Variants in SLC39A12 observed in about 807,000 individuals in gnomAD.
The protein encoded by SLC39A12 is solute carrier family 39 member 12.
In SLC39A12, 63 loss-of-function variants were observed where a neutral mutation model predicts 71.1. The ratio of observed to expected loss-of-function variants is 0.89; its 90% CI spans 0.72 to 1.09. The LOEUF (loss-of-function observed/expected upper bound fraction) is 1.09. Ranked by LOEUF, SLC39A12 falls within the 50% of genes least tolerant of loss-of-function variation. The pLI is 0.00. For missense variants in SLC39A12, 892 were observed against 812.6 expected, an observed-to-expected ratio of 1.10 and a Z score of -1.19; for synonymous variants, 351 against 301.3, an observed-to-expected ratio of 1.16 and a Z score of -1.71.
At chr10:17,975,497 A>C (rs1034153236) in intron 4 of SLC39A12, among the ~76,000 whole-genome samples, 4 of 152,032 alleles carry the variant, frequency 2.6e-5, no homozygotes, top group Non-Finnish European at 4.4e-5. Flanking sequence ...GGACCTTGCA[A>C]CTCTAACCAC....
chr10:18,012,411 T>C (rs1836252547), intron 12 of SLC39A12, among the ~76,000 whole-genome samples: 1 of 152,178 alleles, frequency 6.6e-6, no homozygotes, highest in Non-Finnish European at 1.5e-5. Flanking sequence ...TTTTTAAGAC[T>C]CTGTGGCTGA....
At chr10:18,033,394 G>A (rs1014706617) in intron 12 of SLC39A12, among the ~76,000 whole-genome samples, 25 of 148,328 alleles carry the variant, frequency 1.7e-4, no homozygotes, top group African/African-American at 3.8e-4. Flanking sequence ...TGTATGTGTC[G>A]AGGAATTTAT....
chr10:17,983,706 C>T (rs527284644), intron 6 of SLC39A12, among the ~76,000 whole-genome samples: 45 of 151,948 alleles, frequency 3.0e-4, no homozygotes, highest in African/African-American at 9.4e-4. Context: ...CATTTGAACC[C>T]GGGAGGTGGA....
At chr10:18,035,957 C>T (rs1327242760) in intron 12 of SLC39A12, among the ~76,000 whole-genome samples, 1 of 152,146 alleles carries the variant, frequency 6.6e-6, no homozygotes, top group African/African-American at 2.4e-5. Context: ...AGTTAGGCTG[C>T]TCGGGGGTCA....
intron 4 of SLC39A12, among the ~76,000 whole-genome samples, chr10:17,970,502 T>A (rs1834939868): frequency 6.6e-6 from 1 of 152,160 alleles, no homozygotes; most frequent in South Asian, 2.1e-4. Context: ...AATCTTTCAT[T>A]TCTTTGGTTA....
At chr10:18,026,782 C>T (rs2884272) in intron 12 of SLC39A12, among the ~76,000 whole-genome samples, 18,956 of 152,080 alleles carry the variant, frequency 0.12, 2,134 homozygotes, top group African/African-American at 0.29. Context: ...AAGATTCTCT[C>T]TTTAGCCATG....
At chr10:18,040,154 A>T (rs1005381948) in intron 12 of SLC39A12, among the ~76,000 whole-genome samples, 1 of 152,232 alleles carries the variant, frequency 6.6e-6, no homozygotes, top group Non-Finnish European at 1.5e-5. Flanking sequence ...CAAAATTGAA[A>T]ATATAGACTG....
intron 12 of SLC39A12, among the ~76,000 whole-genome samples, chr10:18,027,700 C>G (rs1836717295): frequency 6.6e-6 from 1 of 152,210 alleles, no homozygotes; most frequent in African/African-American, 2.4e-5. Context: ...TACCTGCTGT[C>G]TCTCCAATGT....
At chr10:17,988,244 G>T (rs1386269335) in intron 7 of SLC39A12, among the ~76,000 whole-genome samples, 3 of 152,162 alleles carry the variant, frequency 2.0e-5, no homozygotes, top group East Asian at 1.9e-4. Context: ...AGAGGCGAAG[G>T]TTGCAGTGAG....
rs1306661655 is a variant in SLC39A12, at chr10:17,951,979, A to G, written c.-133A>G. On this transcript the variant is annotated 5_prime_UTR_variant, in exon 1 of 13. Coordinates refer to ENST00000377369, the MANE Select transcript of SLC39A12 (RefSeq NM_001145195.2). ...CTGTGAAATACTCTCCAGGATTTAA[A>G]AGGCTGTGGAGCTCCAGATAAAGAA... 6.6e-6 allele frequency: 1 copy of G among 152,222 alleles called. No homozygotes were observed. The highest frequency in any genetic ancestry group is 1.9e-4 in the East Asian group (1 of 5,206). 9.4% of individuals were successfully genotyped at this position (152,222 alleles called of 1,614,324 possible). A position where few individuals can be genotyped will look rare whatever the true frequency, so the allele number is the denominator to read the frequency against.
intron 12 of SLC39A12, among the ~76,000 whole-genome samples, chr10:18,004,618 C>T (rs1433657788): frequency 2.0e-5 from 3 of 152,184 alleles, no homozygotes; most frequent in Non-Finnish European, 4.4e-5. Context: ...ATGAGGTAAA[C>T]ACCAAATGTC....
rs572533910 is a variant in SLC39A12 at position 17,986,969 on chromosome 10, C to T, written c.1097-510C>T. On this transcript the variant is annotated intron_variant, in intron 6 of 12. Coordinates refer to ENST00000377369, the MANE Select transcript of SLC39A12 (RefSeq NM_001145195.2). ...ATAGTGAGCTATAATCACACCACTC[C>T]ACCCCAGCTTGAGCAGCAGAGTGAG... Among the ~76,000 whole-genome samples, 12 of 152,256 alleles carry T rather than the reference C, an allele frequency of 7.9e-5. No individual in the cohort carries two copies. The South Asian group carries it at 2.1e-3, about 26-fold the overall frequency.
Position 17,953,475 on chromosome 10 carries a change from A to T in SLC39A12, c.199A>T (p.Thr67Ser). 1 of 1,614,216 alleles carries T rather than the reference A, an allele frequency of 6.2e-7. No individual in the cohort carries two copies. The change falls in exon 2 of 13, where the codon ACA (threonine) becomes TCA (serine). Residue 67 changes from threonine (T) to serine (S), a missense_variant. Transcript: ENST00000377369. ...PHNHSRSLIK[T>S]LLEKTGCPRR... Reference sequence around the variant, plus strand: ...CAACCACTCAAGAAGCCTCATCAAAACATTGTTGGAGAAAACTGGGTGCCC... The same window carrying T: ...CAACCACTCAAGAAGCCTCATCAAATCATTGTTGGAGAAAACTGGGTGCCC...
At chr10:17,990,735 T>G (rs937779893) in intron 7 of SLC39A12, among the ~76,000 whole-genome samples, 3 of 152,170 alleles carry the variant, frequency 2.0e-5, no homozygotes, top group African/African-American at 7.2e-5. Context: ...GGCATGAGAA[T>G]AAACCCCAGA....
intron 12 of SLC39A12, among the ~76,000 whole-genome samples, chr10:18,020,400 G>A (rs1315515413): frequency 6.6e-6 from 1 of 152,004 alleles, no homozygotes; most frequent in Non-Finnish European, 1.5e-5. Flanking sequence ...CTATGTCTTT[G>A]ATACTGTGTA....
intron 12 of SLC39A12, among the ~76,000 whole-genome samples, chr10:18,006,865 A>G (rs1478996619): frequency 6.6e-6 from 1 of 152,232 alleles, no homozygotes; most frequent in South Asian, 2.1e-4. Context: ...AGAGGAATGC[A>G]GTGTGAACCA....
intron 12 of SLC39A12, among the ~76,000 whole-genome samples, chr10:18,016,300 G>T (rs1208984054): frequency 3.9e-5 from 6 of 152,174 alleles, no homozygotes; most frequent in Non-Finnish European, 8.8e-5. Flanking sequence ...GATACAGTGT[G>T]CTGCCTTTTC....
chr10:18,005,208 C>T (rs1193132439), intron 12 of SLC39A12, among the ~76,000 whole-genome samples: 2 of 151,944 alleles, frequency 1.3e-5, no homozygotes, highest in South Asian at 2.1e-4. Flanking sequence ...TGCATATGTA[C>T]CCCGGAACTT....
chr10:18,041,693 A>ATG (rs1221019288), intron 12 of SLC39A12, among the ~76,000 whole-genome samples: 4 of 110,968 alleles, frequency 3.6e-5, no homozygotes, highest in Non-Finnish European at 5.7e-5. Context: ...ATATGTATAT[A>ATG]TGTGTATATA....
Sources: allele counts gnomAD v4.1 joint callset (sites outside exome capture counted in the v4.1 genomes callset), GRCh38; gene constraint gnomAD v4.1.1; transcripts MANE v1.5; gene names NCBI Gene and HGNC (gene_info 2026-07-23, HGNC 2026-07-21).